Variants in GDAP2 observed in about 807,000 individuals in gnomAD.
GDAP2 encodes the protein ganglioside induced differentiation associated protein 2.
In GDAP2, 51 loss-of-function variants were observed where a neutral mutation model predicts 67.0. The ratio of observed to expected loss-of-function variants is 0.76; its 90% CI spans 0.61 to 0.96. The LOEUF (loss-of-function observed/expected upper bound fraction) is 0.96, where lower values mean the gene tolerates loss of function less well. Among genes scored for constraint, GDAP2 ranks in the 40% least tolerant of loss-of-function variants. The probability of loss-of-function intolerance (pLI) is 0.00; values close to 1 mark genes in which losing one functional copy is unlikely to be tolerated. For missense variants in GDAP2, 547 were observed against 588.3 expected, an observed-to-expected ratio of 0.93 and a Z score of 0.73; for synonymous variants, 203 against 207.3, an observed-to-expected ratio of 0.98 and a Z score of 0.18.
chr1:117,910,123 A>C (rs1056281367), intron 5 of GDAP2, among the ~76,000 whole-genome samples: 1 of 152,146 alleles, frequency 6.6e-6, no homozygotes, highest in Non-Finnish European at 1.5e-5. Context: ...GTAGTCTTCC[A>C]CTGAAGCAGT....
At chr1:117,902,303 G>T (rs945498418) in intron 6 of GDAP2, among the ~76,000 whole-genome samples, 1 of 152,114 alleles carries the variant, frequency 6.6e-6, no homozygotes, top group Non-Finnish European at 1.5e-5. Context: ...TTGTTGAATT[G>T]TAAGAGTGCC....
At position 117,886,603 on chromosome 1, in the gene GDAP2, G is replaced by C; in HGVS notation, c.1081C>G (p.Pro361Ala). ...TTGTCCATATCTATTAATGTTACAG[G>C]AATGTTTCTTCCAACTACCACCATC... is the stretch of plus-strand genomic sequence containing the variant. ...TVMVVVGRNI[P>A]VTLIDMDKAL... Residue 361 changes from proline to alanine, a missense_variant, in exon 10 of 14, where the codon CCT (proline) becomes GCT (alanine). Transcript: ENST00000369443. The C allele has an allele frequency of 6.3e-7, 1 of 1,579,214 alleles. No individual in the cohort carries two copies. The highest frequency in any genetic ancestry group is 8.7e-7 in the Non-Finnish European group (1 of 1,148,550).
In GDAP2 at chr1:117,912,586, G is replaced by A. The variant is rs760316641; in HGVS notation, c.414C>T (p.Arg138=). The A allele has an allele frequency of 2.5e-6, 4 of 1,613,136 alleles. No individual in the cohort carries two copies. The East Asian group carries it at 6.7e-5, about 27-fold the overall frequency. The stretch of plus-strand genomic sequence containing the variant: ...TATAAAGGGAACTCTCAGCTGCTGT[G>A]CGATAGCGGCTTTTATATTTAGGTC... ...TVGPKYKSRY[R]TAAESSLYSC... The change falls in exon 4 of 14, where the codon CGC becomes CGT. Residue 138 remains arginine (R), a synonymous_variant. Coordinates refer to ENST00000369443, the MANE Select transcript of GDAP2 (RefSeq NM_017686.4).
intron 5 of GDAP2, among the ~76,000 whole-genome samples, chr1:117,907,073 G>A (rs184790418): frequency 2.0e-5 from 3 of 152,222 alleles, no homozygotes; most frequent in East Asian, 3.9e-4. Context: ...TTCAGACCCT[G>A]ACAAAACTCC....
At chr1:117,898,956 A>T in intron 7 of GDAP2, 101 bp downstream of exon 7, 2 of 805,920 alleles carry the variant, frequency 2.5e-6, no homozygotes, top group East Asian at 4.8e-5. Flanking sequence ...GGTAATAGAG[A>T]GCTTTCCAAA....
intron 3 of GDAP2, among the ~76,000 whole-genome samples, chr1:117,918,194 C>G (rs947134291): frequency 6.6e-6 from 1 of 152,176 alleles, no homozygotes; most frequent in African/African-American, 2.4e-5. Flanking sequence ...CACAGTATTT[C>G]ATTTGGGCAC....
In GDAP2 at chr1:117,912,594, G is replaced by C. The variant is rs753536303; in HGVS notation, c.406C>G (p.Arg136Gly). 28 of 1,613,010 alleles carry C rather than the reference G, an allele frequency of 1.7e-5. No homozygotes were observed. The highest frequency in any genetic ancestry group is 2.4e-5 in the Non-Finnish European group (28 of 1,179,226). The change falls in exon 4 of 14, where the codon CGC becomes GGC. Residue 136 changes from arginine to glycine, a missense_variant. By Grantham distance (125) the Arg-to-Gly change is moderately radical. Transcript: ENST00000369443. ...GAACTCTCAGCTGCTGTGCGATAGC[G>C]GCTTTTATATTTAGGTCCCACTGTG... ...IHTVGPKYKSRYRTAAESSLY... is the reference protein window; with the variant it reads ...IHTVGPKYKSGYRTAAESSLY...
intron 13 of GDAP2, chr1:117,877,366 C>G (rs2101118386): frequency 1.0e-6 from 1 of 983,188 alleles, no homozygotes; most frequent in Non-Finnish European, 1.2e-6. Context: ...GTTAAACAAT[C>G]AGCTTGATGA....
At chr1:117,897,178 T>C (rs529936691) in intron 7 of GDAP2, among the ~76,000 whole-genome samples, 189 bp from the exon 8 acceptor site, 6 of 152,348 alleles carry the variant, frequency 3.9e-5, no homozygotes, top group Middle Eastern at 3.4e-3. Flanking sequence ...TGCCTGTCCA[T>C]GTGTGACAAA....
chr1:117,914,763 T>C lies in GDAP2; in HGVS notation c.317-2080A>G, dbSNP rs150413118. Among the ~76,000 whole-genome samples the C allele has an allele frequency of 3.0e-3, 447 of 151,396 alleles. 2 individuals carry two copies. Among genetic ancestry groups the C allele is most frequent in the African/African-American group, 0.01 (427 of 41,250 alleles). On this transcript the variant is annotated intron_variant, in intron 3 of 13. Transcript: ENST00000369443. ...CTAATCAAAGTAGAAAACAAAGGAG[T>C]AGTGCCTTCAAATTTCTAGAAAATG...
Position 117,920,155 on chromosome 1 carries a change from C to CATGAT in GDAP2, c.176+22_176+26dup, listed in dbSNP as rs762138667. 5.9e-6 allele frequency: 8 copies of CATGAT among 1,354,798 alleles called. No individual in the cohort carries two copies. The Admixed American group carries it at 1.4e-4, about 24-fold the overall frequency. 83.9% of individuals were successfully genotyped at this position (1,354,798 alleles called of 1,614,324 possible). On this transcript the variant is annotated intron_variant, in intron 2 of 13. Coordinates refer to ENST00000369443, the MANE Select transcript of GDAP2 (RefSeq NM_017686.4). Reference sequence around the variant, plus strand: ...AAATTATGAGAAAGTGTTATCTCCTCATGATATGATGTAATCAAAAAATTA... The same window carrying CATGAT: ...AAATTATGAGAAAGTGTTATCTCCTCATGATATGATATGATGTAATCAAAAAATTA...
At chr1:117,903,769 A>C (rs751266746) in intron 6 of GDAP2, among the ~76,000 whole-genome samples, 1 of 152,118 alleles carries the variant, frequency 6.6e-6, no homozygotes, top group Non-Finnish European at 1.5e-5. Context: ...GAGAATTCGT[A>C]ATTTTTTATT....
chr1:117,883,775 T>C (rs2273578), intron 10 of GDAP2, 148 bp from the exon 11 acceptor site: 199,449 of 530,278 alleles, frequency 0.38, 41,519 homozygotes, highest in Non-Finnish European at 0.44. Flanking sequence ...GAGTGATGAA[T>C]ATCCATTCTC....
At chr1:117,916,809 A>G (rs1312319125) in intron 3 of GDAP2, among the ~76,000 whole-genome samples, 1 of 152,126 alleles carries the variant, frequency 6.6e-6, no homozygotes, top group African/African-American at 2.4e-5. Context: ...CGAGGCAGGC[A>G]GATCACTTGA....
At chr1:117,906,737 A>T (rs1180124961) in intron 5 of GDAP2, among the ~76,000 whole-genome samples, 155 bp from the exon 6 acceptor site, 1 of 152,204 alleles carries the variant, frequency 6.6e-6, no homozygotes. Context: ...GCCTGCCCAT[A>T]CTACTTGTAT....
In GDAP2 at chr1:117,870,440, A is replaced by G; in HGVS notation, c.*129T>C. On this transcript the variant is annotated 3_prime_UTR_variant, in exon 14 of 14. Coordinates refer to ENST00000369443, the MANE Select transcript of GDAP2 (RefSeq NM_017686.4). ...TGCCAGAAAATATACAGTCAATAAA[A>G]AAATACCAGAGAGGTGGGGACAAAA... 1.4e-6 allele frequency: 1 copy of G among 695,818 alleles called. No homozygotes were observed. 43.1% of individuals were successfully genotyped at this position (695,818 alleles called of 1,614,324 possible).
At chr1:117,918,544 A>G (rs1650126855) in intron 3 of GDAP2, 53 bp downstream of exon 3, 1 of 1,288,710 alleles carries the variant, frequency 7.8e-7, no homozygotes, top group Non-Finnish European at 1.1e-6. Context: ...AAGGTGGAGG[A>G]CATCAAAATG....
At chr1:117,877,689 T>A in intron 13 of GDAP2, 1 of 1,042,232 alleles carries the variant, frequency 9.6e-7, no homozygotes, top group African/African-American at 1.7e-5. Flanking sequence ...TGGAAAGCCA[T>A]TCAATCTTAA....
chr1:117,877,568 C>T (rs1648507692), intron 13 of GDAP2: 1 of 975,856 alleles, frequency 1.0e-6, no homozygotes, highest in African/African-American at 1.8e-5. Context: ...CATTATACAA[C>T]CTTTTAGATA....
Sources: allele counts gnomAD v4.1 joint callset (sites outside exome capture counted in the v4.1 genomes callset), GRCh38; gene constraint gnomAD v4.1.1; transcripts MANE v1.5; gene names NCBI Gene and HGNC (gene_info 2026-07-23, HGNC 2026-07-21).